Variants in KANK1 observed in about 807,000 individuals in gnomAD.
KANK1 encodes the protein KN motif and ankyrin repeat domains 1, also known as KN motif and ankyrin repeat domain-containing protein 1.
KANK1 carries 109 observed loss-of-function variants against 106.2 expected under a neutral mutation model. The ratio of observed to expected loss-of-function variants is 1.03; its 90% CI spans 0.88 to 1.20. The LOEUF (loss-of-function observed/expected upper bound fraction) is 1.20. Among genes scored for constraint, KANK1 ranks in the 50% most tolerant of loss-of-function variants. KANK1 has a pLI of 0.00. For missense variants in KANK1, 2,399 were observed against 1,710.7 expected, an observed-to-expected ratio of 1.40 and a Z score of -7.10; for synonymous variants, 873 against 652.2, an observed-to-expected ratio of 1.34 and a Z score of -5.16.
intron 1 of KANK1, among the ~76,000 whole-genome samples, chr9:507,091 G>A (rs907269030): frequency 1.3e-5 from 2 of 151,376 alleles, no homozygotes; most frequent in Non-Finnish European, 1.5e-5. Flanking sequence ...CAAGTGTTTC[G>A]GGAAGTTTTA....
At chr9:577,941 A>C (rs1156415386) in intron 1 of KANK1, among the ~76,000 whole-genome samples, 1 of 152,122 alleles carries the variant, frequency 6.6e-6, no homozygotes, top group Non-Finnish European at 1.5e-5. Flanking sequence ...CAAAGCCCCA[A>C]AGAGTGCTAG....
chr9:566,908 C>T (rs1587872929), intron 1 of KANK1, among the ~76,000 whole-genome samples: 2 of 152,094 alleles, frequency 1.3e-5, no homozygotes, highest in African/African-American at 2.4e-5. Flanking sequence ...TTGACATTCT[C>T]GTCACGAAAT....
intron 2 of KANK1, among the ~76,000 whole-genome samples, chr9:472,427 G>C (rs2058038459): frequency 6.6e-6 from 1 of 152,196 alleles, no homozygotes; most frequent in African/African-American, 2.4e-5. Context: ...CTTAGCACCA[G>C]AAGAGCTCTC....
At chr9:518,329 T>C (rs1003408306) in intron 1 of KANK1, among the ~76,000 whole-genome samples, 1 of 151,690 alleles carries the variant, frequency 6.6e-6, no homozygotes, top group African/African-American at 2.4e-5. Context: ...TTGAAGTCTG[T>C]ATTTAAGCTC....
At chr9:744,190 A>AATT (rs1286778270) in intron 10 of KANK1, among the ~76,000 whole-genome samples, 1 of 151,212 alleles carries the variant, frequency 6.6e-6, no homozygotes, top group Non-Finnish European at 1.5e-5. Flanking sequence ...ATTCATAATT[A>AATT]ATTAGAAGAA....
At chr9:641,209 A>G (rs1047271013) in intron 1 of KANK1, among the ~76,000 whole-genome samples, 4 of 152,246 alleles carry the variant, frequency 2.6e-5, no homozygotes, top group Non-Finnish European at 5.9e-5. Context: ...GGGTTCTCCC[A>G]TGGAACTGAT....
upstream of KANK1, among the ~76,000 whole-genome samples, chr9:500,673 G>A (rs1275507255): frequency 6.6e-6 from 1 of 152,192 alleles, no homozygotes; most frequent in Non-Finnish European, 1.5e-5. Context: ...AAAGGCAAAG[G>A]ATACTTTATT....
chr9:573,641 G>C (rs190702553), intron 1 of KANK1, among the ~76,000 whole-genome samples: 181 of 152,240 alleles, frequency 1.2e-3, no homozygotes, highest in African/African-American at 4.3e-3. Context: ...GGATAGCAGG[G>C]ATTAAGTAAG....
intron 1 of KANK1, among the ~76,000 whole-genome samples, chr9:526,978 A>T (rs1369158072): frequency 1.3e-5 from 2 of 151,812 alleles, no homozygotes; most frequent in Non-Finnish European, 2.9e-5. Context: ...TATTATTTAG[A>T]CTGGAAATAA....
At chr9:616,694 G>C (rs1831913380) in intron 1 of KANK1, among the ~76,000 whole-genome samples, 1 of 151,850 alleles carries the variant, frequency 6.6e-6, no homozygotes, top group African/African-American at 2.4e-5. Context: ...AACACACACT[G>C]ATTTTTTTAC....
chr9:537,682 G>GA (rs2060374175), intron 1 of KANK1, among the ~76,000 whole-genome samples: 1 of 152,112 alleles, frequency 6.6e-6, no homozygotes, highest in Admixed American at 6.5e-5. Flanking sequence ...GTGGGGGTGG[G>GA]AGATCGATTT....
chr9:658,550 T>C lies in KANK1; in HGVS notation c.-83-18340T>C, dbSNP rs146844846. Reference sequence around the variant, plus strand: ...TGGCTCTTACTTTTGGTATTATGTCTAGACCTCTCTAAGCCCTAGGTCTTA... The same window carrying C: ...TGGCTCTTACTTTTGGTATTATGTCCAGACCTCTCTAAGCCCTAGGTCTTA... On this transcript the variant is annotated intron_variant, in intron 1 of 11. Coordinates refer to ENST00000382297, the MANE Select transcript of KANK1 (RefSeq NM_015158.5). Among the ~76,000 whole-genome samples, 184 of 152,242 alleles carry C rather than the reference T, an allele frequency of 1.2e-3. 4 individuals are homozygous for C. The highest frequency in any genetic ancestry group is 4.2e-3 in the African/African-American group (174 of 41,564).
At chr9:706,757 A>G (rs1052211473) in intron 2 of KANK1, 1 of 984,972 alleles carries the variant, frequency 1.0e-6, no homozygotes, top group Non-Finnish European at 1.2e-6. Flanking sequence ...GTGCTCTGGA[A>G]CCAGTGAGTG....
At position 645,571 on chromosome 9, in the gene KANK1, G is replaced by C. The variant is rs1406599302; in HGVS notation, c.-83-31319G>C. ...TAAAATTATCAATTTTTATACATTA[G>C]GGATTTCATTTTTTTAAATATGACT... On this transcript the variant is annotated intron_variant, in intron 1 of 11. Coordinates refer to ENST00000382297, the MANE Select transcript of KANK1 (RefSeq NM_015158.5). 1.3e-5 allele frequency among the ~76,000 whole-genome samples: 2 copies of C among 150,302 alleles called. 1 individual carries two copies. The highest frequency in any genetic ancestry group is 5.0e-5 in the African/African-American group (2 of 39,912).
In KANK1 at chr9:573,472, G is replaced by A. The variant is rs150817198; in HGVS notation, c.-84+68718G>A. Among the ~76,000 whole-genome samples the A allele has an allele frequency of 6.8e-3, 1,028 of 152,050 alleles. 16 individuals are homozygous for A. The highest frequency in any genetic ancestry group is 0.024 in the African/African-American group (979 of 41,484). Reference sequence around the variant, plus strand: ...TTTTTAGTAGAAATAGGGTTTCACCGTGTTAGCCAGGATGGTCTCGATCTC... The same window carrying A: ...TTTTTAGTAGAAATAGGGTTTCACCATGTTAGCCAGGATGGTCTCGATCTC... On this transcript the variant is annotated intron_variant, in intron 1 of 11. Transcript: ENST00000382297.
chr9:569,781 T>C (rs566719224), intron 1 of KANK1, among the ~76,000 whole-genome samples: 7 of 152,200 alleles, frequency 4.6e-5, no homozygotes, highest in Non-Finnish European at 1.0e-4. Context: ...ATTAATGCAT[T>C]CATTATTAGT....
intron 1 of KANK1, among the ~76,000 whole-genome samples, chr9:578,368 C>T (rs2135175949): frequency 6.6e-6 from 1 of 151,386 alleles, no homozygotes; most frequent in Non-Finnish European, 1.5e-5. Context: ...TTTGCTAAGC[C>T]ATGGAGGGTA....
intron 2 of KANK1, among the ~76,000 whole-genome samples, chr9:690,499 TA>T (rs1819657169): frequency 6.6e-6 from 1 of 151,912 alleles, no homozygotes; most frequent in Non-Finnish European, 1.5e-5. Context: ...TTGTGAGGAT[TA>T]AATGAGTTCG....
At position 709,733 on chromosome 9, in the gene KANK1, A is replaced by G. The variant is rs567851922; in HGVS notation, c.38-1071A>G. Among the ~76,000 whole-genome samples the G allele has an allele frequency of 2.1e-4, 32 of 151,588 alleles. No individual in the cohort carries two copies. The East Asian group carries it at 6.0e-3, about 29-fold the overall frequency. ...TGGATTCAAGCAATTCTCCTGCCTCAGCCTCCCAAGTAACTGGGATTACAG... is the reference window on the plus strand; with the variant it reads ...TGGATTCAAGCAATTCTCCTGCCTCGGCCTCCCAAGTAACTGGGATTACAG... On this transcript the variant is annotated intron_variant, in intron 2 of 11. Transcript: ENST00000382297.
Sources: allele counts gnomAD v4.1 joint callset (sites outside exome capture counted in the v4.1 genomes callset), GRCh38; gene constraint gnomAD v4.1.1; transcripts MANE v1.5; gene names NCBI Gene and HGNC (gene_info 2026-07-23, HGNC 2026-07-21).